The following PTPRN2 variants were observed in gnomAD, a reference collection of about 807,000 sequenced individuals.
PTPRN2 encodes receptor-type tyrosine-protein phosphatase N2.
Under a neutral mutation model 118.8 loss-of-function variants are expected in PTPRN2, and 74 were observed. The observed-to-expected ratio is 0.62, with a 90% CI of 0.52 to 0.76. The LOEUF (loss-of-function observed/expected upper bound fraction) is 0.76. PTPRN2 is among the 30% of genes least tolerant of loss of function. The probability of loss-of-function intolerance (pLI) is 0.00; values close to 1 mark genes in which losing one functional copy is unlikely to be tolerated. For synonymous variants in PTPRN2, 641 were observed against 608.0 expected, an observed-to-expected ratio of 1.05 and a Z score of -0.80; for missense variants, 1,481 against 1,394.4, an observed-to-expected ratio of 1.06 and a Z score of -0.99.
At chr7:158,489,066 C>T (rs1563350755) in intron 2 of PTPRN2, among the ~76,000 whole-genome samples, 1 of 152,242 alleles carries the variant, frequency 6.6e-6, no homozygotes, top group African/African-American at 2.4e-5. Context: ...CTGCCGTCCT[C>T]ATGGGCTTTC....
chr7:157,649,774 C>A (rs1243619875), intron 14 of PTPRN2, among the ~76,000 whole-genome samples: 1 of 150,300 alleles, frequency 6.7e-6, no homozygotes, highest in African/African-American at 2.5e-5. Context: ...CCAGTGTGCA[C>A]TGAACTTGGT....
At chr7:158,110,943 A>T in intron 9 of PTPRN2, 28 bp from the exon 10 acceptor site, 2 of 1,531,662 alleles carry the variant, frequency 1.3e-6, no homozygotes, top group Non-Finnish European at 1.8e-6. Context: ...GATGGGGAGC[A>T]GTCACCACAG....
intron 9 of PTPRN2, among the ~76,000 whole-genome samples, chr7:158,131,084 C>T (rs1191142710): frequency 1.3e-5 from 2 of 151,718 alleles, no homozygotes; most frequent in African/African-American, 4.8e-5. Context: ...CTTATACACA[C>T]ACGCACATAC....
chr7:158,121,626 G>C (rs527886695), intron 9 of PTPRN2, among the ~76,000 whole-genome samples: 1 of 152,314 alleles, frequency 6.6e-6, no homozygotes, highest in African/African-American at 2.4e-5. Flanking sequence ...CCTGGGCCCA[G>C]CCCTCTGCCC....
intron 15 of PTPRN2, among the ~76,000 whole-genome samples, chr7:157,612,238 T>C (rs12669148): frequency 0.18 from 27,348 of 152,166 alleles, 3,040 homozygotes; most frequent in African/African-American, 0.31. Flanking sequence ...GGCGTGGCTG[T>C]GTGCGCTGGT....
intron 12 of PTPRN2, among the ~76,000 whole-genome samples, chr7:157,852,593 G>A (rs965398592): frequency 1.2e-4 from 18 of 152,142 alleles, no homozygotes; most frequent in African/African-American, 2.2e-4. Context: ...TACACTGGCC[G>A]GGTGCGGTGG....
intron 4 of PTPRN2, among the ~76,000 whole-genome samples, chr7:158,202,391 T>G (rs1035528993): frequency 6.6e-6 from 1 of 152,046 alleles, no homozygotes; most frequent in Non-Finnish European, 1.5e-5. Context: ...CCGGCAGGAC[T>G]GGGGAGGCCT....
At chr7:157,645,351 G>A (rs1055642763) in intron 14 of PTPRN2, among the ~76,000 whole-genome samples, 1 of 152,202 alleles carries the variant, frequency 6.6e-6, no homozygotes. Context: ...AAAGTTCAAA[G>A]GTTCGCTGAT....
rs945160136 is a variant in PTPRN2 at position 157,583,524 on chromosome 7, G to C, written c.2497-5384C>G. Among the ~76,000 whole-genome samples, 2 of 152,128 alleles carry C rather than the reference G, an allele frequency of 1.3e-5. No individual in the cohort carries two copies. Among genetic ancestry groups the C allele is most frequent in the Admixed American group, 6.5e-5 (1 of 15,270 alleles). ...GAGACGTGTATTCATTAGCTTGACT[G>C]TGGTCATCATTCACGATGTCTGCGT... On this transcript the variant is annotated intron_variant, in intron 17 of 22. Transcript: ENST00000389418. This position sits in a 1 kb window ranked among gnomAD's most constrained non-coding sequence, Gnocchi z 5.5.
chr7:157,758,050 G>A (rs564370307), intron 12 of PTPRN2, among the ~76,000 whole-genome samples: 4 of 152,368 alleles, frequency 2.6e-5, no homozygotes, highest in South Asian at 4.1e-4. Context: ...CCTTGCCGGT[G>A]CGGGGGACGC....
At chr7:157,564,558 T>A (rs1799387895) in intron 21 of PTPRN2, among the ~76,000 whole-genome samples, 1 of 152,202 alleles carries the variant, frequency 6.6e-6, no homozygotes, top group South Asian at 2.1e-4. Context: ...GTATTCAGAA[T>A]ATATAAAGAA....
At chr7:157,757,223 T>C (rs540774178) in intron 12 of PTPRN2, among the ~76,000 whole-genome samples, 15 of 148,168 alleles carry the variant, frequency 1.0e-4, no homozygotes, top group Middle Eastern at 3.4e-3. Context: ...CACAGCAGAA[T>C]TGGCCATGGG....
chr7:158,221,223 G>A (rs369233961), intron 3 of PTPRN2, among the ~76,000 whole-genome samples: 1 of 151,946 alleles, frequency 6.6e-6, no homozygotes, highest in African/African-American at 2.4e-5. Context: ...AATTTAAGAT[G>A]GCTTAAAGAT....
chr7:157,736,901 C>G (rs1325287930), intron 12 of PTPRN2, among the ~76,000 whole-genome samples: 2 of 152,180 alleles, frequency 1.3e-5, no homozygotes, highest in Non-Finnish European at 2.9e-5. Flanking sequence ...CAGTTTCCCT[C>G]TACAAATGAA....
At chr7:158,115,990 A>T (rs1265812224) in intron 9 of PTPRN2, among the ~76,000 whole-genome samples, 2 of 152,284 alleles carry the variant, frequency 1.3e-5, no homozygotes, top group Non-Finnish European at 1.5e-5. Flanking sequence ...TGGGAACTTG[A>T]GTTTTATAAG....
chr7:157,544,810 A>AGGGTGTGTGCACACGG (rs1798197757), intron 22 of PTPRN2, among the ~76,000 whole-genome samples: 1 of 152,138 alleles, frequency 6.6e-6, no homozygotes, highest in African/African-American at 2.4e-5. Context: ...GTGTCTGCTG[A>AGGGTGTGTGCACACGG]GGGTGTGTGC....
At chr7:158,250,281 G>T (rs968249758) in intron 3 of PTPRN2, among the ~76,000 whole-genome samples, 1 of 152,122 alleles carries the variant, frequency 6.6e-6, no homozygotes, top group Non-Finnish European at 1.5e-5. Flanking sequence ...TAGGATGTAT[G>T]AATGTGGATA....
chr7:158,558,905 G>C (rs1207061668), intron 1 of PTPRN2, among the ~76,000 whole-genome samples: 1 of 152,066 alleles, frequency 6.6e-6, no homozygotes, highest in Non-Finnish European at 1.5e-5. Context: ...CACCTCCCCA[G>C]GTCTGACCAG....
chr7:158,006,983 T>C (rs987021446), intron 11 of PTPRN2, among the ~76,000 whole-genome samples: 3 of 152,166 alleles, frequency 2.0e-5, no homozygotes, highest in Admixed American at 6.5e-5. Context: ...AACAGAAATG[T>C]ACTCCGTCAC....
Sources: gnomAD v4.1 joint callset for allele counts (sites outside exome capture counted in the v4.1 genomes callset) on GRCh38, gnomAD v4.1.1 for gene constraint, Gnocchi (gnomAD v3.1) non-coding constraint, MANE v1.5 for transcripts, NCBI Gene and HGNC (gene_info 2026-07-23, HGNC 2026-07-21) for gene names.